MRAP2: variants seen among roughly 807,000 people sequenced by gnomAD.
The protein encoded by MRAP2 is melanocortin-2 receptor accessory protein 2.
MRAP2 carries 20 observed loss-of-function variants against 17.4 expected under a neutral mutation model. The observed-to-expected ratio is 1.15, with a 90% CI of 0.81 to 1.67. MRAP2 has a LOEUF of 1.67. MRAP2 is among the 40% of genes most tolerant of loss of function. MRAP2 has a pLI of 0.00. For synonymous variants in MRAP2, 96 were observed against 88.4 expected, an observed-to-expected ratio of 1.09 and a Z score of -0.48; for missense variants, 238 against 240.0, an observed-to-expected ratio of 0.99 and a Z score of 0.05.
chr6:84,102,206 C>T, the MRAP2 span, among the ~76,000 whole-genome samples: 1 of 152,034 alleles, frequency 6.6e-6, no homozygotes, highest in Non-Finnish European at 1.5e-5. Flanking sequence ...GTGTTGTAGA[C>T]AAAATAATGC....
At chr6:84,068,649 T>G (rs150934031) in intron 3 of MRAP2, among the ~76,000 whole-genome samples, 1 of 152,040 alleles carries the variant, frequency 6.6e-6, no homozygotes, top group Non-Finnish European at 1.5e-5. Context: ...TTTTGTTTTT[T>G]TGTGTGTGTT....
chr6:84,041,076 C>T (rs1284559575), intron 1 of MRAP2, among the ~76,000 whole-genome samples: 3 of 152,154 alleles, frequency 2.0e-5, no homozygotes, highest in Admixed American at 1.3e-4. Flanking sequence ...CCCCCTGCTG[C>T]GTGCAGTCTA....
intron 3 of MRAP2, among the ~76,000 whole-genome samples, chr6:84,084,799 G>A (rs968152721): frequency 4.6e-5 from 7 of 151,922 alleles, no homozygotes; most frequent in African/African-American, 1.7e-4. Flanking sequence ...AAAGCCATGT[G>A]GCCAGCTGGA....
the MRAP2 span, among the ~76,000 whole-genome samples, chr6:84,143,286 G>A: frequency 2.0e-5 from 3 of 151,924 alleles, no homozygotes; most frequent in South Asian, 4.1e-4. Flanking sequence ...ATAAAAATAT[G>A]CTTCTAGAAG....
chr6:84,048,666 A>G (rs1441705825), intron 1 of MRAP2, among the ~76,000 whole-genome samples: 1 of 152,230 alleles, frequency 6.6e-6, no homozygotes, highest in Non-Finnish European at 1.5e-5. Context: ...TAACACGTTG[A>G]CACACATGTA....
At chr6:84,145,084 G>A in the MRAP2 span, among the ~76,000 whole-genome samples, 1 of 152,064 alleles carries the variant, frequency 6.6e-6, no homozygotes, top group Non-Finnish European at 1.5e-5. Flanking sequence ...AAAATACATT[G>A]ACTTTCTGAC....
chr6:84,059,062 G>C (rs781599597), intron 2 of MRAP2, among the ~76,000 whole-genome samples: 1 of 152,162 alleles, frequency 6.6e-6, no homozygotes, highest in African/African-American at 2.4e-5. Flanking sequence ...GTGTGGCTGG[G>C]TGAGACAGGG....
the MRAP2 span, among the ~76,000 whole-genome samples, chr6:84,135,192 A>C: frequency 2.0e-5 from 3 of 152,230 alleles, no homozygotes; most frequent in Non-Finnish European, 2.9e-5. Context: ...TAATAGTATA[A>C]AAACACATGC....
the MRAP2 span, among the ~76,000 whole-genome samples, chr6:84,119,656 A>C: frequency 5.3e-5 from 8 of 152,330 alleles, 1 homozygote; most frequent in Admixed American, 6.5e-5. Context: ...TAAGTTTTCC[A>C]CAAGTTTTGA....
chr6:84,142,294 T>C, the MRAP2 span, among the ~76,000 whole-genome samples: 1 of 152,228 alleles, frequency 6.6e-6, no homozygotes, highest in Non-Finnish European at 1.5e-5. Flanking sequence ...CATTCAACTA[T>C]TCTTTTACAA....
the MRAP2 span, among the ~76,000 whole-genome samples, chr6:84,112,544 C>T: frequency 6.6e-6 from 1 of 152,092 alleles, no homozygotes; most frequent in Non-Finnish European, 1.5e-5. Flanking sequence ...TTAATCTTTA[C>T]AAAAAACTGG....
At chr6:84,049,981 C>CGTGTGTGTGTGT (rs566111982) in intron 1 of MRAP2, among the ~76,000 whole-genome samples, 1,898 of 134,410 alleles carry the variant, frequency 0.014, 35 homozygotes, top group African/African-American at 0.06. Context: ...TGCGTGCATT[C>CGTGTGTGTGTGT]ATGTGTGTGT....
At chr6:84,046,430 C>T (rs78951536) in intron 1 of MRAP2, among the ~76,000 whole-genome samples, 1 of 151,930 alleles carries the variant, frequency 6.6e-6, no homozygotes, top group Non-Finnish European at 1.5e-5. Flanking sequence ...ATTTGTAGTG[C>T]ACTTCTCCTG....
the MRAP2 span, among the ~76,000 whole-genome samples, chr6:84,100,484 C>G: frequency 6.6e-6 from 1 of 152,040 alleles, no homozygotes; most frequent in Non-Finnish European, 1.5e-5. Context: ...CCAGGCTGGT[C>G]TTGAACTCCT....
the MRAP2 span, among the ~76,000 whole-genome samples, chr6:84,132,182 T>C: frequency 1.3e-5 from 2 of 152,252 alleles, no homozygotes; most frequent in Admixed American, 1.3e-4. Flanking sequence ...CACTCTCTTC[T>C]GGCTTGTAGA....
At chr6:84,105,545 C>T in the MRAP2 span, among the ~76,000 whole-genome samples, 9 of 152,232 alleles carry the variant, frequency 5.9e-5, no homozygotes, top group Admixed American at 1.3e-4. Flanking sequence ...GGGTCCCTCC[C>T]GAAACATGTG....
intron 3 of MRAP2, among the ~76,000 whole-genome samples, chr6:84,088,374 T>G (rs2099501002): frequency 1.3e-5 from 2 of 152,202 alleles, no homozygotes; most frequent in South Asian, 4.1e-4. Context: ...TTATTACCCT[T>G]GAACTGCTTA....
chr6:84,051,743 G>T (rs2099490470), intron 1 of MRAP2, among the ~76,000 whole-genome samples: 1 of 152,178 alleles, frequency 6.6e-6, no homozygotes, highest in Non-Finnish European at 1.5e-5. Context: ...GAGCGGGGAG[G>T]AAAAGAGAGT....
downstream of MRAP2, among the ~76,000 whole-genome samples, chr6:84,093,728 A>C (rs1471589750): frequency 6.6e-6 from 1 of 152,190 alleles, no homozygotes; most frequent in Admixed American, 6.5e-5. Flanking sequence ...ATCACATGTC[A>C]CAATACATTT....
Sources: allele counts gnomAD v4.1 joint callset (sites outside exome capture counted in the v4.1 genomes callset), GRCh38; gene constraint gnomAD v4.1.1; transcripts MANE v1.5; gene names NCBI Gene and HGNC (gene_info 2026-07-23, HGNC 2026-07-21).